Variants in NAT1 observed in about 807,000 individuals in gnomAD.
NAT1 encodes N-acetyltransferase 1, also known as arylamine N-acetyltransferase 1.
For synonymous variants in NAT1, 144 were observed against 122.6 expected (o/e 1.17, Z -1.16); for missense variants, 400 against 339.2 (o/e 1.18, Z -1.41).
chr8:18,208,299 C>G (rs1327492394), upstream of NAT1, among the ~76,000 whole-genome samples: 1 of 148,162 alleles, frequency 6.7e-6, no homozygotes, highest in African/African-American at 2.5e-5. Flanking sequence ...GAAACAGAAA[C>G]AAAAAAAAAG....
At chr8:18,182,906 A>G (rs1802574943) in intron 2 of NAT1, among the ~76,000 whole-genome samples, 1 of 152,144 alleles carries the variant, frequency 6.6e-6, no homozygotes, top group Admixed American at 6.6e-5. Context: ...AATAATGTCT[A>G]ATCATTTTCT....
chr8:18,202,695 G>A (rs1332609369), intron 2 of NAT1, among the ~76,000 whole-genome samples: 3 of 152,240 alleles, frequency 2.0e-5, no homozygotes, highest in South Asian at 2.1e-4. Flanking sequence ...TCGTGGTCTC[G>A]CTGACTTCAG....
intron 2 of NAT1, among the ~76,000 whole-genome samples, chr8:18,188,083 C>G (rs1052234177): frequency 6.6e-6 from 1 of 151,906 alleles, no homozygotes; most frequent in African/African-American, 2.4e-5. Flanking sequence ...ATAATACAGA[C>G]TAGATCTAGA....
At chr8:18,175,603 C>A (rs1182159805) in intron 2 of NAT1, among the ~76,000 whole-genome samples, 1 of 152,046 alleles carries the variant, frequency 6.6e-6, no homozygotes, top group East Asian at 1.9e-4. Context: ...TTTTCTTTAT[C>A]CATACTATCA....
chr8:18,201,132 T>C (rs976467704), intron 2 of NAT1: 3 of 152,136 alleles, frequency 2.0e-5, no homozygotes, highest in Non-Finnish European at 4.4e-5. Flanking sequence ...AGACATTAGA[T>C]GAGATCGGTA....
intron 1 of NAT1, chr8:18,212,567 G>A (rs967774550): frequency 2.0e-5 from 3 of 152,202 alleles, no homozygotes; most frequent in Non-Finnish European, 4.4e-5. Flanking sequence ...AGGCTTTCCA[G>A]ACCTCCTACT....
At chr8:18,170,800 G>C (rs1366036178) in intron 2 of NAT1, 1 of 152,096 alleles carries the variant, frequency 6.6e-6, no homozygotes, top group African/African-American at 2.4e-5. Flanking sequence ...GAATTGCTGG[G>C]TGAGCCTCTC....
intron 2 of NAT1, among the ~76,000 whole-genome samples, chr8:18,193,841 A>C (rs751768858): frequency 6.6e-6 from 1 of 151,802 alleles, no homozygotes; most frequent in African/African-American, 2.4e-5. Flanking sequence ...GGGTTTCATC[A>C]TGTTGGCCGA....
intron 1 of NAT1, chr8:18,216,945 G>T: frequency 6.4e-7 from 1 of 1,551,406 alleles, no homozygotes; most frequent in Non-Finnish European, 8.7e-7. Context: ...ACAGGGTCCA[G>T]CTGTTGGCTA....
chr8:18,217,133 C>A, intron 1 of NAT1: 1 of 606,204 alleles, frequency 1.6e-6, no homozygotes, highest in Non-Finnish European at 2.9e-6. Context: ...CTCTGGAGTC[C>A]CCATGATGAG....
chr8:18,201,548 AG>A (rs2117293375), intron 2 of NAT1, among the ~76,000 whole-genome samples: 2 of 152,202 alleles, frequency 1.3e-5, no homozygotes, highest in South Asian at 4.1e-4. Flanking sequence ...CAAAAAAAAA[AG>A]AAAAAAGAAA....
rs1805571260 is a variant in NAT1 at position 18,223,589 on chromosome 8, A to G, written c.*669A>G. 1 of 167,018 alleles carries G rather than the reference A, an allele frequency of 6.0e-6. No homozygotes were observed. The highest frequency in any genetic ancestry group is 2.1e-4 in the South Asian group (1 of 4,830). 10.3% of individuals were successfully genotyped at this position (167,018 alleles called of 1,614,324 possible). ...AGTTTAGTGGCGGAACTAAACTCCC[A>G]AAATTATTTGTTATATGGATCAAGT... On this transcript the variant is annotated 3_prime_UTR_variant, in exon 3 of 3. Transcript: ENST00000307719.
intron 2 of NAT1, among the ~76,000 whole-genome samples, chr8:18,176,283 A>C (rs1278224491): frequency 6.6e-6 from 1 of 152,078 alleles, no homozygotes; most frequent in Non-Finnish European, 1.5e-5. Context: ...AATCTTGCCC[A>C]CACCAATGTC....
chr8:18,202,064 C>T (rs960879824), intron 2 of NAT1, among the ~76,000 whole-genome samples: 7 of 152,178 alleles, frequency 4.6e-5, no homozygotes, highest in Admixed American at 2.6e-4. Context: ...CATTTGTAAG[C>T]GCATCTCTCT....
chr8:18,183,389 A>G (rs1310991039), intron 2 of NAT1, among the ~76,000 whole-genome samples: 1 of 152,206 alleles, frequency 6.6e-6, no homozygotes, highest in Non-Finnish European at 1.5e-5. Flanking sequence ...GTCCTCGCAT[A>G]TAAAATACAT....
At chr8:18,218,307 T>C (rs1203121196) in intron 1 of NAT1, among the ~76,000 whole-genome samples, 1 of 152,094 alleles carries the variant, frequency 6.6e-6, no homozygotes, top group Non-Finnish European at 1.5e-5. Context: ...AAAAAAGATA[T>C]GGGCATTATG....
intron 1 of NAT1, among the ~76,000 whole-genome samples, chr8:18,217,332 T>C (rs1023866016): frequency 5.9e-5 from 9 of 152,228 alleles, no homozygotes; most frequent in Admixed American, 5.9e-4. Flanking sequence ...ACCAAGATAA[T>C]ATGCCCCAAA....
chr8:18,192,036 A>G (rs544277009), intron 2 of NAT1, among the ~76,000 whole-genome samples: 9 of 151,638 alleles, frequency 5.9e-5, no homozygotes, highest in African/African-American at 2.2e-4. Flanking sequence ...AGAAACTACC[A>G]TCAGAGTGAA....
intron 2 of NAT1, among the ~76,000 whole-genome samples, chr8:18,198,606 G>T (rs1254842892): frequency 6.6e-6 from 1 of 152,156 alleles, no homozygotes; most frequent in African/African-American, 2.4e-5. Flanking sequence ...AGTGTATAAA[G>T]GTTTTATTTT....
Sources: allele counts gnomAD v4.1 joint callset (sites outside exome capture counted in the v4.1 genomes callset), GRCh38; gene constraint gnomAD v4.1.1; transcripts MANE v1.5; gene names NCBI Gene and HGNC (gene_info 2026-07-23, HGNC 2026-07-21).